The following CPNE4 variants were observed in gnomAD, a reference collection of about 807,000 sequenced individuals.
CPNE4 encodes the protein copine 4.
CPNE4 carries 25 observed loss-of-function variants against 67.9 expected under a neutral mutation model. That is an observed-to-expected ratio of 0.37 (90% CI 0.27 to 0.51). The LOEUF is 0.51. Ranked by LOEUF, CPNE4 falls within the 20% of genes least tolerant of loss-of-function variation. The probability of loss-of-function intolerance (pLI) is 0.93; values close to 1 mark genes in which losing one functional copy is unlikely to be tolerated. For missense variants in CPNE4, 464 were observed against 690.8 expected (o/e 0.67, Z 3.68); for synonymous variants, 242 against 244.9 (o/e 0.99, Z 0.11).
At position 131,542,665 on chromosome 3, in the gene CPNE4, G is replaced by T; in HGVS notation, c.1431C>A (p.Phe477Leu). Residue 477 changes from phenylalanine to leucine, a missense_variant, in exon 15 of 16, where the codon TTC becomes TTA. By Grantham distance (22) the Phe-to-Leu change is conservative. This residue lies in a region of CPNE4 where 201 missense variants were observed against 357.7 expected (regional missense o/e 0.56). Transcript: ENST00000429747. The part of the protein sequence containing the change: ...VIIVGVGNAD[F>L]SDMQMLDGDD... ...CACCGTCCAGCATCTGCATGTCACT[G>T]AAGTCAGCGTTCCCTACTCCCACGA... 6.2e-7 allele frequency: 1 copy of T among 1,614,102 alleles called. No individual in the cohort carries two copies. The highest frequency in any genetic ancestry group is 8.5e-7 in the Non-Finnish European group (1 of 1,179,980).
At chr3:131,880,114 G>GTA (rs1351183450) in intron 2 of CPNE4, among the ~76,000 whole-genome samples, 4,334 of 147,210 alleles carry the variant, frequency 0.029, 216 homozygotes, top group African/African-American at 0.1. Flanking sequence ...ATGGCATATA[G>GTA]TATATATATA....
intron 1 of CPNE4, among the ~76,000 whole-genome samples, chr3:131,932,550 A>C (rs2071095805): frequency 6.6e-6 from 1 of 152,248 alleles, no homozygotes; most frequent in African/African-American, 2.4e-5. Flanking sequence ...GCATGATGAA[A>C]TATTATAAGA....
chr3:131,955,046 T>C (rs1465212228), intron 1 of CPNE4, among the ~76,000 whole-genome samples: 1 of 150,374 alleles, frequency 6.7e-6, no homozygotes, highest in African/African-American at 2.4e-5. Context: ...CAGCTAGAAA[T>C]CGCATGTTCC....
intron 2 of CPNE4, among the ~76,000 whole-genome samples, chr3:131,789,246 C>T (rs2083649022): frequency 1.3e-5 from 2 of 152,116 alleles, no homozygotes; most frequent in African/African-American, 2.4e-5. Flanking sequence ...TGGAACTGCA[C>T]ATGTTTGAAT....
At position 131,535,121 on chromosome 3, in the gene CPNE4, G is replaced by A; in HGVS notation, c.*74C>T. On this transcript the variant is annotated 3_prime_UTR_variant, in exon 16 of 16. Transcript: ENST00000429747. Reference sequence around the variant, plus strand: ...ATGTTGTTGGTTTTTTAAAGTACAGGAGTAGTAGAAGTATTAAATATGAAA... The same window carrying A: ...ATGTTGTTGGTTTTTTAAAGTACAGAAGTAGTAGAAGTATTAAATATGAAA... 3 of 1,423,298 alleles carry A rather than the reference G, an allele frequency of 2.1e-6. No individual in the cohort carries two copies. Among genetic ancestry groups the A allele is most frequent in the Non-Finnish European group, 2.9e-6 (3 of 1,052,246 alleles). The allele number at this position is 1,423,298 out of a possible 1,614,324, so 88.2% of individuals were successfully genotyped here.
chr3:131,897,751 G>A (rs952624107), intron 2 of CPNE4, among the ~76,000 whole-genome samples: 1 of 151,980 alleles, frequency 6.6e-6, no homozygotes, highest in African/African-American at 2.4e-5. Flanking sequence ...AATTAGCCAG[G>A]TGTGGTGGCA....
chr3:131,876,494 T>C, intron 2 of CPNE4, among the ~76,000 whole-genome samples: 1 of 148,810 alleles, frequency 6.7e-6, no homozygotes, highest in Non-Finnish European at 1.5e-5. Flanking sequence ...TAGAAAAGAT[T>C]AGCCAGATGT....
At chr3:131,593,283 A>G (rs950770193) in intron 7 of CPNE4, among the ~76,000 whole-genome samples, 2 of 152,206 alleles carry the variant, frequency 1.3e-5, no homozygotes, top group South Asian at 2.1e-4. Context: ...AAGTCTTTCA[A>G]TTCATGAACA....
intron 1 of CPNE4, among the ~76,000 whole-genome samples, chr3:131,960,120 T>TGGAGAGGGAGGGCGGAGAGGGAGGGA: frequency 6.8e-6 from 1 of 147,478 alleles, no homozygotes; most frequent in African/African-American, 2.5e-5. Context: ...AGAGAAAGAG[T>TGGAGAGGGAGGGCGGAGAGGGAGGGA]GGAGAGGGAG....
At chr3:131,720,881 C>A (rs866757304) in intron 3 of CPNE4, among the ~76,000 whole-genome samples, 7 of 152,306 alleles carry the variant, frequency 4.6e-5, no homozygotes, top group Middle Eastern at 3.4e-3. Flanking sequence ...GCACCATATG[C>A]CAAACTCCTT....
chr3:131,745,389 AG>A (rs1420991538), intron 2 of CPNE4, among the ~76,000 whole-genome samples: 2 of 152,192 alleles, frequency 1.3e-5, no homozygotes, highest in East Asian at 3.9e-4. Flanking sequence ...TCCTTGTAAA[AG>A]GGTCTTTTGC....
intron 3 of CPNE4, among the ~76,000 whole-genome samples, chr3:131,705,781 C>T (rs917092350): frequency 1.3e-5 from 2 of 152,152 alleles, no homozygotes; most frequent in African/African-American, 4.8e-5. Flanking sequence ...AGGCTTTTAC[C>T]CTGTCTCTGA....
intron 2 of CPNE4, among the ~76,000 whole-genome samples, chr3:131,764,450 G>A (rs1359841389): frequency 1.3e-5 from 2 of 151,884 alleles, no homozygotes; most frequent in African/African-American, 2.4e-5. Context: ...CAAATGTTAA[G>A]CCCCTTAGAA....
intron 1 of CPNE4, among the ~76,000 whole-genome samples, chr3:131,949,800 G>C (rs1219777171): frequency 6.6e-6 from 1 of 152,026 alleles, no homozygotes; most frequent in Non-Finnish European, 1.5e-5. Context: ...ATAATGTTTA[G>C]TGCCTTTTAA....
intron 7 of CPNE4, among the ~76,000 whole-genome samples, chr3:131,656,457 T>C (rs1217247608): frequency 6.6e-6 from 1 of 152,188 alleles, no homozygotes; most frequent in Non-Finnish European, 1.5e-5. Flanking sequence ...CTTTAAAAGG[T>C]GAGACCAAAT....
At chr3:131,744,810 T>C (rs1305795591) in intron 2 of CPNE4, among the ~76,000 whole-genome samples, 1 of 152,222 alleles carries the variant, frequency 6.6e-6, no homozygotes, top group East Asian at 1.9e-4. Context: ...GATATAGATG[T>C]ACCACAGTTT....
At chr3:131,918,715 C>T (rs2070649649) in intron 1 of CPNE4, among the ~76,000 whole-genome samples, 1 of 152,114 alleles carries the variant, frequency 6.6e-6, no homozygotes, top group African/African-American at 2.4e-5. Context: ...TAACATAAAA[C>T]AGTTTTTTTG....
intron 2 of CPNE4, among the ~76,000 whole-genome samples, chr3:131,826,088 T>C (rs542313426): frequency 2.0e-5 from 3 of 152,330 alleles, no homozygotes; most frequent in South Asian, 2.1e-4. Flanking sequence ...CTTCCTTCAA[T>C]AGGACCATTT....
At chr3:131,739,438 C>T (rs1349030968) in intron 2 of CPNE4, among the ~76,000 whole-genome samples, 1 of 152,194 alleles carries the variant, frequency 6.6e-6, no homozygotes, top group Non-Finnish European at 1.5e-5. Flanking sequence ...CTGCTTCCCC[C>T]TGTGGCTGTG....
Sources: gnomAD v4.1 joint callset for allele counts (sites outside exome capture counted in the v4.1 genomes callset) on GRCh38, gnomAD v4.1.1 for gene constraint, gnomAD v4.1.1 regional missense constraint, MANE v1.5 for transcripts, NCBI Gene and HGNC (gene_info 2026-07-23, HGNC 2026-07-21) for gene names.